SLC39A12: variants seen among roughly 807,000 people sequenced by gnomAD.
SLC39A12 encodes solute carrier family 39 member 12, also known as zinc transporter ZIP12.
A neutral mutation model predicts 71.1 loss-of-function variants in SLC39A12; 63 were observed. The observed-to-expected ratio is 0.89, with a 90% CI of 0.72 to 1.09. The LOEUF (loss-of-function observed/expected upper bound fraction) is 1.09. SLC39A12 is among the 50% of genes least tolerant of loss of function. The pLI is 0.00. For synonymous variants in SLC39A12, 351 were observed against 301.3 expected, an observed-to-expected ratio of 1.16 and a Z score of -1.71; for missense variants, 892 against 812.6, an observed-to-expected ratio of 1.10 and a Z score of -1.19.
At chr10:17,974,263 T>C (rs1400603202) in intron 4 of SLC39A12, among the ~76,000 whole-genome samples, 1 of 152,200 alleles carries the variant, frequency 6.6e-6, no homozygotes, top group Admixed American at 6.5e-5. Flanking sequence ...TGTTGCCTGG[T>C]GCCTTATTTA....
chr10:18,009,412 A>G (rs1357384919), intron 12 of SLC39A12, among the ~76,000 whole-genome samples: 1 of 152,190 alleles, frequency 6.6e-6, no homozygotes, highest in East Asian at 1.9e-4. Context: ...AGGTGTATCC[A>G]AGGCAAATGA....
At chr10:18,034,637 G>A (rs2130897945) in intron 12 of SLC39A12, among the ~76,000 whole-genome samples, 1 of 151,540 alleles carries the variant, frequency 6.6e-6, no homozygotes, top group African/African-American at 2.4e-5. Context: ...GGAGAATTTA[G>A]TCCATTTACA....
Position 17,953,456 on chromosome 10 carries a change from C to T in SLC39A12, c.180C>T (p.His60=), listed in dbSNP as rs782451460. 2.2e-5 allele frequency: 36 copies of T among 1,614,200 alleles called. No individual in the cohort carries two copies. The highest frequency in any genetic ancestry group is 3.1e-5 in the Non-Finnish European group (36 of 1,180,052). ...LSAGDHPPHN[H]SRSLIKTLLE... ...CTGGTGACCACCCACCCCACAACCA[C>T]TCAAGAAGCCTCATCAAAACATTGT... is the stretch of plus-strand genomic sequence containing the variant. Residue 60 remains histidine (H), a synonymous_variant, in exon 2 of 13, where the codon CAC becomes CAT. Coordinates refer to ENST00000377369, the MANE Select transcript of SLC39A12 (RefSeq NM_001145195.2).
At chr10:18,032,983 C>T (rs1836893543) in intron 12 of SLC39A12, among the ~76,000 whole-genome samples, 4 of 150,850 alleles carry the variant, frequency 2.7e-5, no homozygotes, top group South Asian at 2.1e-4. Context: ...ACCAGCCTTG[C>T]ATCCCAGGGA....
At chr10:17,971,215 T>G (rs116986273) in intron 4 of SLC39A12, among the ~76,000 whole-genome samples, 9,030 of 148,740 alleles carry the variant, frequency 0.061, 358 homozygotes, top group South Asian at 0.096. Flanking sequence ...GCTAGTATTT[T>G]GTTGAGGATT....
At chr10:18,011,878 T>C (rs1836236511) in intron 12 of SLC39A12, among the ~76,000 whole-genome samples, 2 of 152,280 alleles carry the variant, frequency 1.3e-5, no homozygotes, top group Non-Finnish European at 2.9e-5. Flanking sequence ...GATAGACATA[T>C]AAGATTCTGT....
chr10:18,036,479 A>G lies in SLC39A12; in HGVS notation c.1948-6226A>G, dbSNP rs529513859. Among the ~76,000 whole-genome samples the G allele has an allele frequency of 4.6e-5, 7 of 152,020 alleles. No individual in the cohort carries two copies. In the South Asian group the frequency reaches 1.0e-3, roughly 23 times the overall value. ...CTCCCTGACCCCTTGCGCTTCCCAGATGAGGCAATGCCTCGCCCTGCTTCG... is the reference window on the plus strand; with the variant it reads ...CTCCCTGACCCCTTGCGCTTCCCAGGTGAGGCAATGCCTCGCCCTGCTTCG... On this transcript the variant is annotated intron_variant, in intron 12 of 12. Coordinates refer to ENST00000377369, the MANE Select transcript of SLC39A12 (RefSeq NM_001145195.2).
intron 10 of SLC39A12, 31 bp from the exon 11 acceptor site, chr10:18,000,636 A>G (rs1247893177): frequency 6.2e-7 from 1 of 1,611,938 alleles, no homozygotes; most frequent in South Asian, 1.1e-5. Flanking sequence ...TGCTCTGTTA[A>G]TGCTTCTTCT....
intron 12 of SLC39A12, among the ~76,000 whole-genome samples, chr10:18,031,033 A>C (rs1419043448): frequency 1.3e-5 from 2 of 150,980 alleles, no homozygotes; most frequent in African/African-American, 4.9e-5. Flanking sequence ...ACATTTTCTT[A>C]ATCCAGTCTG....
Position 17,993,186 on chromosome 10 carries a change from C to T in SLC39A12, c.1428C>T (p.Gly476=). 2 of 1,550,244 alleles carry T rather than the reference C, an allele frequency of 1.3e-6. No individual in the cohort carries two copies. Among genetic ancestry groups the T allele is most frequent in the Non-Finnish European group, 1.7e-6 (2 of 1,145,902 alleles). The part of the protein sequence containing the change: ...ILLVSPNDKQ[G]LSLVNGHVGH... The stretch of plus-strand genomic sequence containing the variant: ...TTTAAACCATCCTCATCCAGCAGGG[C>T]CTGTCATTGGTTAATGGGCACGTGG... Residue 476 remains glycine, a synonymous_variant, in exon 9 of 13, where the codon GGC becomes GGT. Coordinates refer to ENST00000377369, the MANE Select transcript of SLC39A12 (RefSeq NM_001145195.2).
chr10:18,041,113 T>C (rs892728055), intron 12 of SLC39A12, among the ~76,000 whole-genome samples: 1 of 152,160 alleles, frequency 6.6e-6, no homozygotes, highest in African/African-American at 2.4e-5. Context: ...GACTGTGTAA[T>C]GAAAGAGGTA....
At chr10:17,969,470 GC>G (rs1201290471) in intron 4 of SLC39A12, among the ~76,000 whole-genome samples, 1 of 151,938 alleles carries the variant, frequency 6.6e-6, no homozygotes, top group Non-Finnish European at 1.5e-5. Flanking sequence ...CTGTCTTTTG[GC>G]TATAACCCGT....
rs772708335 is a variant in SLC39A12, at chr10:17,987,667, C to T, written c.1269+16C>T. ...TATCCCTCAGGTAATCTGGTCTTTT[C>T]CATTTCAGATAAAGTTCACTTCATT... On this transcript the variant is annotated intron_variant, in intron 7 of 12. Coordinates refer to ENST00000377369, the MANE Select transcript of SLC39A12 (RefSeq NM_001145195.2). 8 of 1,613,166 alleles carry T rather than the reference C, an allele frequency of 5.0e-6. No individual in the cohort carries two copies. In the African/African-American group the frequency reaches 1.1e-4, roughly 22 times the overall value.
intron 4 of SLC39A12, among the ~76,000 whole-genome samples, chr10:17,974,813 G>A (rs754267697): frequency 6.6e-6 from 1 of 152,166 alleles, no homozygotes; most frequent in Non-Finnish European, 1.5e-5. Context: ...ATTAGCAGGT[G>A]GTGAAGCCAG....
At chr10:17,988,734 C>T (rs2130821475) in intron 7 of SLC39A12, among the ~76,000 whole-genome samples, 1 of 152,260 alleles carries the variant, frequency 6.6e-6, no homozygotes, top group East Asian at 1.9e-4. Context: ...CATCTGTGCC[C>T]AGCTCCCTCC....
rs1280778456 is a variant in SLC39A12 at position 17,987,488 on chromosome 10, A to G, written c.1106A>G (p.Tyr369Cys). The stretch of plus-strand genomic sequence containing the variant: ...ATCTCCTTTGACTTAGAATACGGCT[A>G]CAGCACGGTGGCTGTCACCCTTCTC... ...LPPTTLEKYG[Y>C]STVAVTLLTL... The change falls in exon 7 of 13, where the codon TAC becomes TGC. Residue 369 changes from tyrosine (Y) to cysteine (C), a missense_variant. Physicochemically the swap from Tyr to Cys is radical, Grantham distance 194. Transcript: ENST00000377369. The G allele has an allele frequency of 1.2e-6, 2 of 1,613,890 alleles. No individual in the cohort carries two copies. The highest frequency in any genetic ancestry group is 1.7e-6 in the Non-Finnish European group (2 of 1,179,940).
At chr10:18,013,978 G>A (rs1206748764) in intron 12 of SLC39A12, among the ~76,000 whole-genome samples, 4 of 151,916 alleles carry the variant, frequency 2.6e-5, no homozygotes, top group African/African-American at 9.7e-5. Flanking sequence ...GAATTTTAGG[G>A]TTAATTTTTC....
rs747085684 is a variant in SLC39A12, at chr10:17,978,098, C to A, written c.924+24C>A. 26 of 1,525,304 alleles carry A rather than the reference C, an allele frequency of 1.7e-5. No homozygotes were observed. The African/African-American group carries it at 2.3e-4, about 13-fold the overall frequency. 94.5% of individuals were successfully genotyped at this position (1,525,304 alleles called of 1,614,324 possible). The stretch of plus-strand genomic sequence containing the variant: ...AGGTATTGCCATTGTTTCTCTTATT[C>A]AAGCATTTGCTACTGTCAAAGGAAG... On this transcript the variant is annotated intron_variant, in intron 5 of 12. Coordinates refer to ENST00000377369, the MANE Select transcript of SLC39A12 (RefSeq NM_001145195.2).
intron 9 of SLC39A12, 28 bp downstream of exon 9, chr10:17,993,319 T>A: frequency 2.9e-6 from 4 of 1,360,012 alleles, no homozygotes; most frequent in Non-Finnish European, 4.1e-6. Flanking sequence ...AGCATTCTAC[T>A]GATCTGATTA....
Sources: allele counts gnomAD v4.1 joint callset (sites outside exome capture counted in the v4.1 genomes callset), GRCh38; gene constraint gnomAD v4.1.1; transcripts MANE v1.5; gene names NCBI Gene and HGNC (gene_info 2026-07-23, HGNC 2026-07-21).